The following IMPG1 variants were observed in gnomAD, a reference collection of about 807,000 sequenced individuals.
The protein encoded by IMPG1 is interphotoreceptor matrix proteoglycan 1.
Under a neutral mutation model 92.0 loss-of-function variants are expected in IMPG1, and 85 were observed. That is an observed-to-expected ratio of 0.92 (90% CI 0.78 to 1.11). IMPG1 has a LOEUF of 1.11. Among genes scored for constraint, IMPG1 ranks in the 50% least tolerant of loss-of-function variants. IMPG1 has a pLI of 0.00. For missense variants in IMPG1, 1,022 were observed against 956.0 expected, an observed-to-expected ratio of 1.07 and a Z score of -0.91; for synonymous variants, 367 against 334.1, an observed-to-expected ratio of 1.10 and a Z score of -1.08.
intron 13 of IMPG1, 71 bp from the exon 14 acceptor site, chr6:75,947,604 T>G: frequency 2.0e-6 from 2 of 1,012,058 alleles, no homozygotes; most frequent in South Asian, 1.5e-5. Context: ...CCACTTACAC[T>G]CACTTTTCAT....
intron 15 of IMPG1, among the ~76,000 whole-genome samples, chr6:75,926,875 G>A (rs1781562655): frequency 6.6e-6 from 1 of 152,196 alleles, no homozygotes; most frequent in African/African-American, 2.4e-5. Context: ...AGGTGAAAAT[G>A]TAATGAGAAA....
At chr6:75,961,888 C>T (rs945301484) in intron 12 of IMPG1, among the ~76,000 whole-genome samples, 62 of 151,958 alleles carry the variant, frequency 4.1e-4, no homozygotes, top group African/African-American at 1.5e-3. Flanking sequence ...CTTTTCTTAG[C>T]GTGTGTTTAC....
chr6:75,983,363 G>T (rs1393725961), intron 12 of IMPG1, among the ~76,000 whole-genome samples: 1 of 151,948 alleles, frequency 6.6e-6, no homozygotes, highest in Non-Finnish European at 1.5e-5. Flanking sequence ...GCATGGTACT[G>T]GCATAAAAAC....
chr6:75,974,394 T>TC (rs58896802), intron 12 of IMPG1, among the ~76,000 whole-genome samples: 1 of 116,848 alleles, frequency 8.6e-6, no homozygotes, highest in South Asian at 2.9e-4. Context: ...TTTCTTTCTT[T>TC]TCTTTCTTTC....
chr6:76,040,821 T>C (rs973882510), intron 2 of IMPG1, among the ~76,000 whole-genome samples: 2 of 152,232 alleles, frequency 1.3e-5, no homozygotes, highest in East Asian at 1.9e-4. Context: ...TTAATTTAAC[T>C]TGGGCACATC....
chr6:75,979,495 G>A (rs2149468975), intron 12 of IMPG1, among the ~76,000 whole-genome samples: 1 of 152,252 alleles, frequency 6.6e-6, no homozygotes, highest in Admixed American at 6.5e-5. Flanking sequence ...TGAAAGAAAG[G>A]ACAGTCTTCT....
intron 1 of IMPG1, among the ~76,000 whole-genome samples, chr6:76,070,623 C>A (rs117513349): frequency 1.3e-5 from 2 of 152,074 alleles, no homozygotes; most frequent in Non-Finnish European, 2.9e-5. Context: ...TAATGGAATG[C>A]TACTCAGCCA....
chr6:75,977,288 G>C (rs532219006), intron 12 of IMPG1, among the ~76,000 whole-genome samples: 1 of 151,974 alleles, frequency 6.6e-6, no homozygotes, highest in Non-Finnish European at 1.5e-5. Flanking sequence ...GATTAAGATT[G>C]CTGCTAAAGA....
At chr6:75,963,795 A>G (rs1782250302) in intron 12 of IMPG1, among the ~76,000 whole-genome samples, 1 of 152,230 alleles carries the variant, frequency 6.6e-6, no homozygotes, top group South Asian at 2.1e-4. Context: ...AGGGAGCAGA[A>G]TGGACCTCAC....
chr6:75,999,715 C>A (rs1443794097), intron 12 of IMPG1, among the ~76,000 whole-genome samples: 1 of 152,142 alleles, frequency 6.6e-6, no homozygotes, highest in African/African-American at 2.4e-5. Context: ...CTGCTCTTGT[C>A]AATGTGGAAT....
chr6:75,925,643 A>G (rs961786166), intron 15 of IMPG1, among the ~76,000 whole-genome samples: 2 of 150,310 alleles, frequency 1.3e-5, no homozygotes, highest in African/African-American at 4.9e-5. Context: ...CCTGGGCAAC[A>G]CAGTGAGACC....
At chr6:76,004,046 C>A in intron 10 of IMPG1, 96 bp from the exon 11 acceptor site, 1 of 843,170 alleles carries the variant, frequency 1.2e-6, no homozygotes, top group African/African-American at 1.7e-5. Context: ...GCGGAATAAC[C>A]AATCCTTAAG....
chr6:75,966,099 T>C (rs2149463690), intron 12 of IMPG1, among the ~76,000 whole-genome samples: 1 of 152,338 alleles, frequency 6.6e-6, no homozygotes, highest in South Asian at 2.1e-4. Flanking sequence ...CTAAGGTTCC[T>C]AGTTAGTCCA....
chr6:75,984,358 C>A (rs1289999696), intron 12 of IMPG1, among the ~76,000 whole-genome samples: 1 of 152,104 alleles, frequency 6.6e-6, no homozygotes, highest in Non-Finnish European at 1.5e-5. Context: ...CAAAATTGTC[C>A]ACACAATGAA....
intron 12 of IMPG1, among the ~76,000 whole-genome samples, chr6:75,974,081 G>C (rs1327120440): frequency 3.3e-5 from 5 of 152,194 alleles, no homozygotes; most frequent in African/African-American, 1.2e-4. Flanking sequence ...AGTCCCTTCA[G>C]AGAATGACCT....
chr6:75,966,242 A>T (rs1562351340), intron 12 of IMPG1, among the ~76,000 whole-genome samples: 1 of 152,202 alleles, frequency 6.6e-6, no homozygotes, highest in African/African-American at 2.4e-5. Context: ...GAATTTTTAA[A>T]TGATGTCCTT....
At chr6:76,072,273 A>T in intron 1 of IMPG1, 149 bp downstream of exon 1, 1 of 489,632 alleles carries the variant, frequency 2.0e-6, no homozygotes, top group South Asian at 3.5e-5. Context: ...CTGATAGTTA[A>T]TTATTCAATC....
chr6:75,999,745 G>A (rs1163480177), intron 12 of IMPG1, among the ~76,000 whole-genome samples: 4 of 152,154 alleles, frequency 2.6e-5, no homozygotes, highest in African/African-American at 7.2e-5. Flanking sequence ...CTAGGTCCAG[G>A]TCAGCAAATA....
chr6:75,956,651 CT>C (rs1325414554), intron 12 of IMPG1, among the ~76,000 whole-genome samples: 4 of 151,866 alleles, frequency 2.6e-5, no homozygotes, highest in African/African-American at 9.7e-5. Flanking sequence ...AATTTGTTTG[CT>C]CTTGCTTCTC....
Sources: gnomAD v4.1 joint callset for allele counts (sites outside exome capture counted in the v4.1 genomes callset) on GRCh38, gnomAD v4.1.1 for gene constraint, MANE v1.5 for transcripts, NCBI Gene and HGNC (gene_info 2026-07-23, HGNC 2026-07-21) for gene names.